The following ANKRD31 variants were observed in gnomAD, a reference collection of about 807,000 sequenced individuals.
ANKRD31 encodes ankyrin repeat domain-containing protein 31.
Under a neutral mutation model 186.0 loss-of-function variants are expected in ANKRD31, and 147 were observed. The observed-to-expected ratio is 0.79, with a 90% CI of 0.69 to 0.91. The LOEUF is 0.91. Among genes scored for constraint, ANKRD31 ranks in the 40% least tolerant of loss-of-function variants. ANKRD31 has a pLI of 0.00. For synonymous variants in ANKRD31, 673 were observed against 736.4 expected (o/e 0.91, Z 1.39); for missense variants, 1,986 against 2,148.8 (o/e 0.92, Z 1.50).
intron 11 of ANKRD31, among the ~76,000 whole-genome samples, chr5:75,158,796 G>A (rs1332178767): frequency 6.6e-6 from 1 of 151,764 alleles, no homozygotes; most frequent in Non-Finnish European, 1.5e-5. Context: ...TGTCTCAAAA[G>A]AGAGAGAGAT....
intron 2 of ANKRD31, among the ~76,000 whole-genome samples, chr5:75,223,245 T>C (rs1484844452): frequency 2.6e-5 from 4 of 152,182 alleles, no homozygotes; most frequent in Non-Finnish European, 4.4e-5. Context: ...ATTTCTTAAC[T>C]GCCACTTTTA....
At chr5:75,090,463 C>T (rs1439239737) in intron 23 of ANKRD31, among the ~76,000 whole-genome samples, 1 of 151,972 alleles carries the variant, frequency 6.6e-6, no homozygotes, top group Non-Finnish European at 1.5e-5. Context: ...GTGGGCAGAC[C>T]TGGGTTAAAC....
At chr5:75,150,834 C>T (rs1216249719) in intron 12 of ANKRD31, among the ~76,000 whole-genome samples, 1 of 151,964 alleles carries the variant, frequency 6.6e-6, no homozygotes, top group Non-Finnish European at 1.5e-5. Flanking sequence ...TTGCCTCCAA[C>T]TGAATTTTAT....
chr5:75,200,152 C>T (rs1288907344), intron 5 of ANKRD31, among the ~76,000 whole-genome samples: 1 of 152,156 alleles, frequency 6.6e-6, no homozygotes, highest in African/African-American at 2.4e-5. Flanking sequence ...GCTGCATTGC[C>T]TCTGTGACTG....
chr5:75,166,332 A>G (rs1254458671), intron 11 of ANKRD31, among the ~76,000 whole-genome samples: 1 of 152,066 alleles, frequency 6.6e-6, no homozygotes. Context: ...TTAGCTGAGC[A>G]TGGTGATACA....
chr5:75,203,331 A>G (rs1755933308), intron 5 of ANKRD31, among the ~76,000 whole-genome samples: 2 of 152,264 alleles, frequency 1.3e-5, no homozygotes, highest in South Asian at 4.1e-4. Flanking sequence ...ATAAAAATAC[A>G]TTTTTGTGTA....
intron 20 of ANKRD31, among the ~76,000 whole-genome samples, chr5:75,108,994 C>A (rs1747554927): frequency 6.6e-6 from 1 of 152,052 alleles, no homozygotes; most frequent in Non-Finnish European, 1.5e-5. Context: ...AATTTGGTAT[C>A]ACACACTTCT....
chr5:75,179,348 A>G (rs1754086717), intron 10 of ANKRD31, among the ~76,000 whole-genome samples: 3 of 152,218 alleles, frequency 2.0e-5, no homozygotes, highest in Admixed American at 2.0e-4. Flanking sequence ...TATTCCAATC[A>G]ATAGAAAAAG....
chr5:75,080,723 G>T (rs1458346077), intron 24 of ANKRD31, 84 bp from the exon 25 acceptor site: 3 of 714,896 alleles, frequency 4.2e-6, no homozygotes, highest in East Asian at 3.1e-5. Flanking sequence ...TCACCCTACC[G>T]ATGGGAAATA....
rs1751879047 is a variant in ANKRD31 at position 75,152,074 on chromosome 5, T to C, written c.1852+2127A>G. 1.3e-5 allele frequency among the ~76,000 whole-genome samples: 2 copies of C among 152,172 alleles called. 1 individual carries two copies. The highest frequency in any genetic ancestry group is 4.1e-4 in the South Asian group (2 of 4,826). On this transcript the variant is annotated intron_variant, in intron 12 of 25. Transcript: ENST00000506364. ...TTTGCCTGCCCAGCACATAACCTCA[T>C]AGGCAGCTCTCTGAAGAGAGATACC...
At chr5:75,151,499 T>G (rs1751837535) in intron 12 of ANKRD31, among the ~76,000 whole-genome samples, 1 of 152,032 alleles carries the variant, frequency 6.6e-6, no homozygotes, top group African/African-American at 2.4e-5. Flanking sequence ...TCCCCTGCAC[T>G]TCTCCTTGCT....
At chr5:75,099,509 C>T (rs1243398891) in intron 22 of ANKRD31, among the ~76,000 whole-genome samples, 1 of 152,254 alleles carries the variant, frequency 6.6e-6, no homozygotes, top group African/African-American at 2.4e-5. Context: ...AGGAATGATA[C>T]CAGCTCCTCT....
chr5:75,191,037 T>C (rs1755076634), intron 9 of ANKRD31, among the ~76,000 whole-genome samples: 1 of 152,164 alleles, frequency 6.6e-6, no homozygotes, highest in African/African-American at 2.4e-5. Flanking sequence ...TTTAAAGGTA[T>C]GTAGTTAATT....
intron 9 of ANKRD31, among the ~76,000 whole-genome samples, chr5:75,191,364 T>C (rs1198186407): frequency 2.0e-5 from 3 of 152,146 alleles, no homozygotes; most frequent in African/African-American, 7.2e-5. Context: ...TGTCTATTCC[T>C]GCTCCAGTGT....
At chr5:75,218,934 C>T (rs1285046098) in intron 3 of ANKRD31, among the ~76,000 whole-genome samples, 1 of 152,042 alleles carries the variant, frequency 6.6e-6, no homozygotes, top group Non-Finnish European at 1.5e-5. Flanking sequence ...AATTCAAATC[C>T]CTTCATGTTA....
intron 9 of ANKRD31, among the ~76,000 whole-genome samples, chr5:75,189,400 T>A (rs1754951535): frequency 1.3e-5 from 2 of 152,182 alleles, no homozygotes; most frequent in African/African-American, 4.8e-5. Context: ...TTTTCCAGTT[T>A]GTATCTAGCT....
intron 17 of ANKRD31, among the ~76,000 whole-genome samples, chr5:75,121,896 G>A (rs574738808): frequency 2.0e-5 from 3 of 151,642 alleles, no homozygotes; most frequent in African/African-American, 7.2e-5. Flanking sequence ...CATACCTCAA[G>A]GAACTAGAAA....
chr5:75,208,147 TATC>T (rs1206170667), intron 4 of ANKRD31, among the ~76,000 whole-genome samples: 1 of 152,192 alleles, frequency 6.6e-6, no homozygotes, highest in Admixed American at 6.5e-5. Context: ...GAAAGATGAC[TATC>T]ATCCTATATC....
rs1428214399 is a variant in ANKRD31, at chr5:75,159,931, C to A, written c.1708-5586G>T. Among the ~76,000 whole-genome samples, 11 of 151,910 alleles carry A rather than the reference C, an allele frequency of 7.2e-5. No homozygotes were observed. In the East Asian group the frequency reaches 1.2e-3, roughly 16 times the overall value. ...CTATAACATTTATAAATGTAATATA[C>A]TTGATAATAATACCACAAAAGAGGC... On this transcript the variant is annotated intron_variant, in intron 11 of 25. Coordinates refer to ENST00000506364, the MANE Select transcript of ANKRD31 (RefSeq NM_001372053.1).
Sources: allele counts gnomAD v4.1 joint callset (sites outside exome capture counted in the v4.1 genomes callset), GRCh38; gene constraint gnomAD v4.1.1; transcripts MANE v1.5; gene names NCBI Gene and HGNC (gene_info 2026-07-23, HGNC 2026-07-21).